The following CSMD1 variants were observed in gnomAD, a reference collection of about 807,000 sequenced individuals.
CSMD1 encodes CUB and Sushi multiple domains 1.
CSMD1 carries 213 observed loss-of-function variants against 417.5 expected under a neutral mutation model. The ratio of observed to expected loss-of-function variants is 0.51; its 90% confidence interval spans 0.46 to 0.57. The LOEUF is 0.57. CSMD1 is among the 20% of genes least tolerant of loss of function. The pLI, the probability that CSMD1 is intolerant of heterozygous loss-of-function variation, is 0.00. For missense variants in CSMD1, 6,923 were observed against 4,529.7 expected, an observed-to-expected ratio of 1.53 and a Z score of -15.17; for synonymous variants, 2,862 against 1,736.8, an observed-to-expected ratio of 1.65 and a Z score of -16.11.
intron 5 of CSMD1, among the ~76,000 whole-genome samples, chr8:3,933,619 G>C (rs556986937): frequency 2.2e-4 from 33 of 152,080 alleles, no homozygotes; most frequent in African/African-American, 7.7e-4. Flanking sequence ...CTTCTGGTAA[G>C]ATACTGTTAG....
At chr8:4,085,485 T>C (rs959750230) in intron 3 of CSMD1, among the ~76,000 whole-genome samples, 1 of 152,204 alleles carries the variant, frequency 6.6e-6, no homozygotes, top group African/African-American at 2.4e-5. Flanking sequence ...TTAAAACCCC[T>C]TGGATACTCC....
chr8:4,211,209 T>C (rs1206316728), intron 3 of CSMD1, among the ~76,000 whole-genome samples: 1 of 152,118 alleles, frequency 6.6e-6, no homozygotes, highest in East Asian at 1.9e-4. Context: ...TTTGCCTTTT[T>C]TTTTTTAGCT....
At position 3,284,227 on chromosome 8, in the gene CSMD1, A is replaced by T; in HGVS notation, c.4070T>A (p.Ile1357Asn). ...EWSGSALPED[I>N]HSTFNSLTLQ... ...GGTGAGTGAGTTGAAGGTGCTGTGGATGTCCTCCGGAAGGGCGGAGCCACT... is the reference window on the plus strand; with the variant it reads ...GGTGAGTGAGTTGAAGGTGCTGTGGTTGTCCTCCGGAAGGGCGGAGCCACT... The change falls in exon 26 of 70, where the codon ATC becomes AAC. Residue 1357 changes from isoleucine to asparagine, a missense_variant. Transcript: ENST00000635120. 1 of 1,612,810 alleles carries T rather than the reference A, an allele frequency of 6.2e-7. No individual in the cohort carries two copies. The highest frequency in any genetic ancestry group is 2.2e-5 in the East Asian group (1 of 44,810).
intron 12 of CSMD1, among the ~76,000 whole-genome samples, chr8:3,416,342 A>G (rs563479881): frequency 9.3e-5 from 14 of 151,032 alleles, no homozygotes; most frequent in Admixed American, 8.6e-4. Context: ...CTTTAGATAT[A>G]GTTTAGAAAA....
At chr8:4,538,362 G>C (rs148461608) in intron 2 of CSMD1, among the ~76,000 whole-genome samples, 31 of 151,678 alleles carry the variant, frequency 2.0e-4, no homozygotes, top group African/African-American at 6.0e-4. Flanking sequence ...TTTTTAAAAG[G>C]CTGGGTGCGA....
chr8:3,356,152 G>A (rs1033458302), intron 21 of CSMD1, among the ~76,000 whole-genome samples: 2 of 152,192 alleles, frequency 1.3e-5, no homozygotes, highest in African/African-American at 4.8e-5. Flanking sequence ...GACATCCTTA[G>A]GTGTCACCTG....
intron 3 of CSMD1, among the ~76,000 whole-genome samples, chr8:4,179,339 A>G (rs189554260): frequency 1.1e-3 from 170 of 152,318 alleles, no homozygotes; most frequent in African/African-American, 4.0e-3. Flanking sequence ...AGGATTCCCT[A>G]TTTAATAAAT....
At chr8:3,521,622 C>G (rs932609372) in intron 10 of CSMD1, among the ~76,000 whole-genome samples, 1 of 152,078 alleles carries the variant, frequency 6.6e-6, no homozygotes, top group African/African-American at 2.4e-5. Flanking sequence ...CCCTTGTACA[C>G]GGAGCAAAGT....
chr8:4,933,078 T>A (rs1271094527), intron 1 of CSMD1, among the ~76,000 whole-genome samples: 1 of 143,338 alleles, frequency 7.0e-6, no homozygotes, highest in African/African-American at 2.4e-5. Flanking sequence ...GCACTTTCTT[T>A]TGCGGCTTGA....
intron 5 of CSMD1, 99 bp from the exon 6 acceptor site, chr8:3,754,141 T>C (rs1797525549): frequency 1.5e-6 from 1 of 681,316 alleles, no homozygotes; most frequent in Non-Finnish European, 2.6e-6. Flanking sequence ...AAATCCTTCA[T>C]CTTGAGATGC....
At chr8:4,938,363 C>A (rs573900312) in intron 1 of CSMD1, among the ~76,000 whole-genome samples, 1 of 152,132 alleles carries the variant, frequency 6.6e-6, no homozygotes, top group Admixed American at 6.5e-5. Flanking sequence ...AAATGCTTCC[C>A]AATACAGCTG....
At chr8:3,852,383 A>T (rs1278400712) in intron 5 of CSMD1, among the ~76,000 whole-genome samples, 1 of 152,108 alleles carries the variant, frequency 6.6e-6, no homozygotes, top group East Asian at 1.9e-4. Context: ...ACTCCCAGCC[A>T]AGTGGATGAG....
chr8:4,342,086 G>A (rs572470552), intron 3 of CSMD1, among the ~76,000 whole-genome samples: 11 of 152,068 alleles, frequency 7.2e-5, no homozygotes, highest in African/African-American at 2.2e-4. Flanking sequence ...AGTAGCGCAA[G>A]CCATCTCTAT....
At chr8:3,513,492 T>A (rs1202150980) in intron 10 of CSMD1, among the ~76,000 whole-genome samples, 1 of 152,080 alleles carries the variant, frequency 6.6e-6, no homozygotes, top group Non-Finnish European at 1.5e-5. Flanking sequence ...TCTCACCTTG[T>A]GATCGTGTGA....
At chr8:4,776,126 G>T (rs779477233) in intron 1 of CSMD1, among the ~76,000 whole-genome samples, 1 of 152,120 alleles carries the variant, frequency 6.6e-6, no homozygotes, top group East Asian at 1.9e-4. Context: ...GACAATCACA[G>T]ATGATCCAGA....
intron 5 of CSMD1, among the ~76,000 whole-genome samples, chr8:3,809,755 A>T (rs1458412633): frequency 6.6e-6 from 1 of 152,140 alleles, no homozygotes; most frequent in East Asian, 1.9e-4. Context: ...AGGGGAGTTG[A>T]GACAACAGGA....
chr8:4,660,548 G>A (rs911384480), intron 1 of CSMD1, among the ~76,000 whole-genome samples: 1 of 151,516 alleles, frequency 6.6e-6, no homozygotes, highest in Non-Finnish European at 1.5e-5. Flanking sequence ...GCAAGACAAA[G>A]GAACTGGAAT....
intron 52 of CSMD1, among the ~76,000 whole-genome samples, chr8:3,011,121 G>C (rs935039632): frequency 6.6e-5 from 10 of 152,138 alleles, no homozygotes; most frequent in Admixed American, 2.6e-4. Flanking sequence ...ATTAACCTCT[G>C]AATGCTGCAC....
chr8:3,499,868 T>C (rs1344018979), intron 10 of CSMD1, among the ~76,000 whole-genome samples: 5 of 151,984 alleles, frequency 3.3e-5, no homozygotes, highest in Non-Finnish European at 7.4e-5. Context: ...GTCCTGAAAA[T>C]GGCACCATGC....
Sources: gnomAD v4.1 joint callset for allele counts (sites outside exome capture counted in the v4.1 genomes callset) on GRCh38, gnomAD v4.1.1 for gene constraint, MANE v1.5 for transcripts, NCBI Gene and HGNC (gene_info 2026-07-23, HGNC 2026-07-21) for gene names.